Variants in CTNND2 observed in about 807,000 individuals in gnomAD.
CTNND2 encodes the protein catenin delta 2.
Under a neutral mutation model 144.4 loss-of-function variants are expected in CTNND2, and 22 were observed. The observed-to-expected ratio is 0.15, with a 90% confidence interval of 0.11 to 0.22. CTNND2 has a LOEUF of 0.22. Ranked by LOEUF, CTNND2 falls within the 10% of genes least tolerant of loss-of-function variation. The probability of loss-of-function intolerance (pLI) is 1.00; values close to 1 mark genes in which losing one functional copy is unlikely to be tolerated. For missense variants in CTNND2, 1,353 were observed against 1,618.8 expected, an observed-to-expected ratio of 0.84 and a Z score of 2.82; for synonymous variants, 751 against 695.6, an observed-to-expected ratio of 1.08 and a Z score of -1.25.
intron 14 of CTNND2, among the ~76,000 whole-genome samples, chr5:11,104,953 G>A (rs1409350253): frequency 6.6e-6 from 1 of 152,244 alleles, no homozygotes; most frequent in African/African-American, 2.4e-5. Flanking sequence ...GGGGGCCACG[G>A]GGCCCGGTGA....
At chr5:11,781,517 A>G (rs1330420499) in intron 1 of CTNND2, among the ~76,000 whole-genome samples, 1 of 152,184 alleles carries the variant, frequency 6.6e-6, no homozygotes, top group Non-Finnish European at 1.5e-5. Flanking sequence ...ACTTTTTGCA[A>G]TACAATTTAT....
At chr5:11,381,630 T>C (rs1758486346) in intron 7 of CTNND2, among the ~76,000 whole-genome samples, 1 of 152,228 alleles carries the variant, frequency 6.6e-6, no homozygotes, top group Non-Finnish European at 1.5e-5. Context: ...ACCTTCTGTA[T>C]AAGTACTGTG....
chr5:10,987,473 G>A (rs540490231), intron 20 of CTNND2, among the ~76,000 whole-genome samples: 2 of 152,270 alleles, frequency 1.3e-5, no homozygotes, highest in African/African-American at 2.4e-5. Context: ...GAGGGATGAC[G>A]AGCGTGAAAG....
At chr5:11,646,952 G>A (rs1259417527) in intron 2 of CTNND2, among the ~76,000 whole-genome samples, 1 of 152,156 alleles carries the variant, frequency 6.6e-6, no homozygotes, top group Non-Finnish European at 1.5e-5. Flanking sequence ...CATCAAAACA[G>A]CCACACATTC....
intron 3 of CTNND2, among the ~76,000 whole-genome samples, chr5:11,482,799 A>T (rs1768407310): frequency 6.6e-6 from 1 of 152,110 alleles, no homozygotes; most frequent in African/African-American, 2.4e-5. Context: ...CTGGAACTTG[A>T]CTGGAAGATT....
At chr5:11,300,079 T>C (rs1749427870) in intron 9 of CTNND2, among the ~76,000 whole-genome samples, 1 of 152,164 alleles carries the variant, frequency 6.6e-6, no homozygotes, top group African/African-American at 2.4e-5. Context: ...CCTCTGGGGG[T>C]GCAGGGACTC....
chr5:11,011,082 C>T (rs1741028312), intron 18 of CTNND2, among the ~76,000 whole-genome samples: 1 of 152,156 alleles, frequency 6.6e-6, no homozygotes. Context: ...CATAAAAACA[C>T]CAGACCACTA....
intron 1 of CTNND2, among the ~76,000 whole-genome samples, chr5:11,879,524 A>G (rs1735874771): frequency 6.6e-6 from 1 of 151,680 alleles, no homozygotes; most frequent in East Asian, 1.9e-4. Flanking sequence ...ATGGCTCTGG[A>G]GCATGCTACC....
chr5:11,661,535 G>A (rs564680130), intron 2 of CTNND2, among the ~76,000 whole-genome samples: 3 of 152,070 alleles, frequency 2.0e-5, no homozygotes, highest in South Asian at 4.2e-4. Context: ...CCTATGTGAC[G>A]AAATGGCTTT....
chr5:11,052,237 A>G (rs1177520294), intron 16 of CTNND2, among the ~76,000 whole-genome samples: 1 of 152,176 alleles, frequency 6.6e-6, no homozygotes, highest in Non-Finnish European at 1.5e-5. Context: ...TTCCATGATG[A>G]AACAGAGCAA....
chr5:11,171,903 T>C (rs540026834), intron 11 of CTNND2, among the ~76,000 whole-genome samples: 8 of 152,164 alleles, frequency 5.3e-5, no homozygotes, highest in Admixed American at 2.6e-4. Flanking sequence ...TGGATAACAA[T>C]CCTAAAGACC....
At chr5:11,696,961 C>T (rs1785168150) in intron 2 of CTNND2, among the ~76,000 whole-genome samples, 1 of 152,168 alleles carries the variant, frequency 6.6e-6, no homozygotes, top group African/African-American at 2.4e-5. Context: ...CAATATCACA[C>T]TATCCATGCT....
At position 11,725,672 on chromosome 5, in the gene CTNND2, C is replaced by A. The variant is rs1055471395; in HGVS notation, c.174+6464G>T. On this transcript the variant is annotated intron_variant, in intron 2 of 21. Transcript: ENST00000304623. ...TTTCTTGATCATAAAACATATTGAG[C>A]AAAATAATCATTAGAGGAAAAATAT... Among the ~76,000 whole-genome samples the A allele has an allele frequency of 2.0e-5, 3 of 151,808 alleles. No individual in the cohort carries two copies. The East Asian group carries it at 5.8e-4, about 29-fold the overall frequency.
intron 1 of CTNND2, among the ~76,000 whole-genome samples, chr5:11,868,414 T>C (rs528271044): frequency 2.1e-4 from 32 of 152,224 alleles, no homozygotes; most frequent in Non-Finnish European, 1.9e-4. Context: ...ATCAAACTAA[T>C]GATCTTTGGT....
At chr5:11,376,143 C>G (rs565743125) in intron 7 of CTNND2, among the ~76,000 whole-genome samples, 2 of 152,210 alleles carry the variant, frequency 1.3e-5, no homozygotes, top group East Asian at 3.9e-4. Context: ...TTTGGACTTT[C>G]CAGCCTCCAG....
intron 11 of CTNND2, among the ~76,000 whole-genome samples, chr5:11,177,282 T>C (rs1346312387): frequency 6.6e-6 from 1 of 152,192 alleles, no homozygotes; most frequent in Non-Finnish European, 1.5e-5. Context: ...GAAATCCTGG[T>C]GCTTTTGTTT....
chr5:11,262,761 CAAAAAAA>C (rs11289676), intron 9 of CTNND2, among the ~76,000 whole-genome samples: 47 of 45,696 alleles, frequency 1.0e-3, no homozygotes, highest in South Asian at 1.5e-3. Flanking sequence ...GACTCTGTCT[CAAAAAAA>C]AAAAAAAAAA....
At chr5:11,870,187 C>G (rs1795962091) in intron 1 of CTNND2, among the ~76,000 whole-genome samples, 1 of 152,142 alleles carries the variant, frequency 6.6e-6, no homozygotes, top group South Asian at 2.1e-4. Flanking sequence ...GGTTCTCATT[C>G]ATAGGCAATT....
At chr5:11,251,574 G>A (rs183583101) in intron 9 of CTNND2, among the ~76,000 whole-genome samples, 2 of 152,162 alleles carry the variant, frequency 1.3e-5, no homozygotes, top group East Asian at 1.9e-4. Context: ...AATATCCCTC[G>A]GAATCCCTCG....
Sources: allele counts gnomAD v4.1 joint callset (sites outside exome capture counted in the v4.1 genomes callset), GRCh38; gene constraint gnomAD v4.1.1; transcripts MANE v1.5; gene names NCBI Gene and HGNC (gene_info 2026-07-23, HGNC 2026-07-21).